The following RAB3GAP1 variants were observed in gnomAD, a reference collection of about 807,000 sequenced individuals.
RAB3GAP1 encodes rab3 GTPase-activating protein catalytic subunit.
RAB3GAP1 carries 86 observed loss-of-function variants against 130.7 expected under a neutral mutation model. That is an observed-to-expected ratio of 0.66 (90% CI 0.55 to 0.79). The LOEUF (loss-of-function observed/expected upper bound fraction) is 0.79, where lower values mean the gene tolerates loss of function less well. Among genes scored for constraint, RAB3GAP1 ranks in the 30% least tolerant of loss-of-function variants. The probability of loss-of-function intolerance (pLI) is 0.00; values close to 1 mark genes in which losing one functional copy is unlikely to be tolerated. For missense variants in RAB3GAP1, 1,029 were observed against 1,169.4 expected (o/e 0.88, Z 1.75); for synonymous variants, 367 against 401.7 (o/e 0.91, Z 1.03).
At chr2:135,062,246 C>T (rs564515438) in intron 3 of RAB3GAP1, among the ~76,000 whole-genome samples, 1 of 152,296 alleles carries the variant, frequency 6.6e-6, no homozygotes, top group South Asian at 2.1e-4. Flanking sequence ...TTTCAGGTTT[C>T]CTAACCTTGG....
chr2:135,105,739 G>A (rs1400602446), intron 5 of RAB3GAP1, among the ~76,000 whole-genome samples: 2 of 150,560 alleles, frequency 1.3e-5, no homozygotes, highest in Admixed American at 6.6e-5. Flanking sequence ...CCCAGTCTGG[G>A]AAGTGAGGAG....
intron 5 of RAB3GAP1, among the ~76,000 whole-genome samples, chr2:135,103,254 C>G (rs1366344473): frequency 6.6e-6 from 1 of 151,780 alleles, no homozygotes; most frequent in Non-Finnish European, 1.5e-5. Context: ...CCAGGCTGGT[C>G]TTGAACTCCT....
intron 23 of RAB3GAP1, chr2:135,167,588 T>C (rs1394756667): frequency 1.1e-6 from 1 of 930,524 alleles, no homozygotes; most frequent in African/African-American, 1.6e-5. Flanking sequence ...CATAATGTAG[T>C]GCATACTGTC....
At chr2:135,112,606 C>T (rs1160867597) in intron 5 of RAB3GAP1, among the ~76,000 whole-genome samples, 1 of 152,200 alleles carries the variant, frequency 6.6e-6, no homozygotes, top group African/African-American at 2.4e-5. Flanking sequence ...CTCCCACCAG[C>T]TGCAGGGCTC....
At chr2:135,112,832 T>TCACA (rs1421273149) in intron 5 of RAB3GAP1, among the ~76,000 whole-genome samples, 37 of 115,898 alleles carry the variant, frequency 3.2e-4, no homozygotes, top group South Asian at 1.5e-3. Flanking sequence ...TCTCTCTCTC[T>TCACA]CTCACACACA....
chr2:135,112,815 GTCTCTC>G (rs377254626), intron 5 of RAB3GAP1, among the ~76,000 whole-genome samples: 155 of 147,022 alleles, frequency 1.1e-3, no homozygotes, highest in African/African-American at 3.3e-3. Context: ...AACTGTCAAA[GTCTCTC>G]TCTCTCTCTC....
intron 3 of RAB3GAP1, among the ~76,000 whole-genome samples, chr2:135,078,456 T>G (rs72978321): frequency 6.6e-6 from 1 of 152,332 alleles, no homozygotes; most frequent in African/African-American, 2.4e-5. Flanking sequence ...TTTTCCAAAC[T>G]GTCCCATTGA....
In RAB3GAP1 at chr2:135,168,628, CCCACCCCCTGCTGGCCGGG is replaced by C; in HGVS notation, c.2794_2812del (p.Pro932AsnfsTer83). The stretch of plus-strand genomic sequence containing the variant: ...GAAGGCAGAACTCCGTGTCAGACTT[CCCACCCCCTGCTGGCCGGG>C]AATTCATTTTGCGCACCACTGTGCC... On this transcript the variant is annotated frameshift_variant, in exon 24 of 24. Coordinates refer to ENST00000264158, the MANE Select transcript of RAB3GAP1 (RefSeq NM_012233.3). LOFTEE classifies it high-confidence loss of function. 6.2e-7 allele frequency: 1 copy of C among 1,614,216 alleles called. No homozygotes were observed.
intron 5 of RAB3GAP1, among the ~76,000 whole-genome samples, chr2:135,100,632 A>G (rs1437348566): frequency 6.6e-6 from 1 of 152,242 alleles, no homozygotes; most frequent in Non-Finnish European, 1.5e-5. Context: ...AGCCAACAAC[A>G]AAGCTTTTGA....
In RAB3GAP1 at chr2:135,133,881, G is replaced by A. The variant is rs1347803993; in HGVS notation, c.1347G>A (p.Lys449=). Reference sequence around the variant, plus strand: ...TTTAGAATCTCTACAATCAGTTCAAGTCTGCACCATCTGACAGTTTAACAT... The same window carrying A: ...TTTAGAATCTCTACAATCAGTTCAAATCTGCACCATCTGACAGTTTAACAT... ...SEDYNLYNQF[K]SAPSDSLTYK... The change falls in exon 15 of 24, where the codon AAG becomes AAA. Residue 449 remains lysine (K), a synonymous_variant. Coordinates refer to ENST00000264158, the MANE Select transcript of RAB3GAP1 (RefSeq NM_012233.3). 1 of 1,613,696 alleles carries A rather than the reference G, an allele frequency of 6.2e-7. No individual in the cohort carries two copies. Among genetic ancestry groups the A allele is most frequent in the East Asian group, 2.2e-5 (1 of 44,864 alleles).
intron 3 of RAB3GAP1, among the ~76,000 whole-genome samples, chr2:135,061,684 G>A (rs563507427): frequency 1.4e-4 from 21 of 151,282 alleles, no homozygotes; most frequent in African/African-American, 4.8e-4. Context: ...TTTTTTTTTG[G>A]TATATATATA....
chr2:135,066,756 C>G lies in RAB3GAP1; in HGVS notation c.150+8670C>G, dbSNP rs1018484955. Among the ~76,000 whole-genome samples, 6 of 152,172 alleles carry G rather than the reference C, an allele frequency of 3.9e-5. No individual in the cohort carries two copies. The East Asian group carries it at 1.2e-3, about 29-fold the overall frequency. ...GAAGGCAAGGGAAGTAAAGAAATGACCTTTTAAGTTCCTTTTAGCCTTGTA... is the reference window on the plus strand; with the variant it reads ...GAAGGCAAGGGAAGTAAAGAAATGAGCTTTTAAGTTCCTTTTAGCCTTGTA... On this transcript the variant is annotated intron_variant, in intron 3 of 23. Coordinates refer to ENST00000264158, the MANE Select transcript of RAB3GAP1 (RefSeq NM_012233.3).
At chr2:135,093,042 A>G (rs935936047) in intron 4 of RAB3GAP1, among the ~76,000 whole-genome samples, 1 of 152,244 alleles carries the variant, frequency 6.6e-6, no homozygotes, top group Admixed American at 6.5e-5. Flanking sequence ...AATGATAGCT[A>G]TACAACAAAA....
chr2:135,107,957 A>G (rs1326952594), intron 5 of RAB3GAP1, among the ~76,000 whole-genome samples: 2 of 142,386 alleles, frequency 1.4e-5, no homozygotes, highest in Non-Finnish European at 3.0e-5. Context: ...CCTGGGCAAG[A>G]AGAGTGAAAC....
At position 135,156,001 on chromosome 2, in the gene RAB3GAP1, T is replaced by G. The variant is rs535271246; in HGVS notation, c.2289+2125T>G. On this transcript the variant is annotated intron_variant, in intron 19 of 23. Transcript: ENST00000264158. ...AATAATAAATGACAAAAAGGGCACA[T>G]ATTAGTAACTACTGATACAGAGGAA... Among the ~76,000 whole-genome samples the G allele has an allele frequency of 3.3e-3, 501 of 152,186 alleles. 5 individuals carry two copies. Among genetic ancestry groups the G allele is most frequent in the South Asian group, 7.9e-3 (38 of 4,822 alleles).
In RAB3GAP1 at chr2:135,168,756, T is replaced by C; in HGVS notation, c.2921T>C (p.Phe974Ser). The C allele has an allele frequency of 1.9e-6, 3 of 1,613,746 alleles. No homozygotes were observed. Among genetic ancestry groups the C allele is most frequent in the Non-Finnish European group, 2.5e-6 (3 of 1,179,614 alleles). The change falls in exon 24 of 24, where the codon TTT becomes TCT. Residue 974 changes from phenylalanine (F) to serine (S), a missense_variant. Phe to Ser is a radical substitution (Grantham distance 155). This residue lies in a region of RAB3GAP1 where 146 missense variants were observed against 143.7 expected (regional missense o/e 1.02). Coordinates refer to ENST00000264158, the MANE Select transcript of RAB3GAP1 (RefSeq NM_012233.3). ...GAGGACTTTAGACTTGCAGGTGCCT[T>C]TTCATCAGATACTTCCTTCTTCTGA... ...TKEDFRLAGA[F>S]SSDTSFF
chr2:135,124,117 T>G (rs1479686275), intron 8 of RAB3GAP1, 48 bp from the exon 9 acceptor site: 1 of 1,538,678 alleles, frequency 6.5e-7, no homozygotes, highest in Non-Finnish European at 9.0e-7. Flanking sequence ...TAGATTAGAC[T>G]CTTCTTTATT....
At chr2:135,117,495 G>GCTTCTTCTT (rs1229163423) in intron 7 of RAB3GAP1, among the ~76,000 whole-genome samples, 2 of 42,178 alleles carry the variant, frequency 4.7e-5, no homozygotes, top group East Asian at 7.1e-4. Flanking sequence ...TTCTTCTTCT[G>GCTTCTTCTT]CTTCTTCTTC....
intron 5 of RAB3GAP1, among the ~76,000 whole-genome samples, chr2:135,103,006 GAAAAA>G (rs371708711): frequency 2.8e-5 from 2 of 70,712 alleles, no homozygotes; most frequent in Non-Finnish European, 4.9e-5. Context: ...GACTCCGTCT[GAAAAA>G]AAAAAAAAAA....
Sources: gnomAD v4.1 joint callset for allele counts (sites outside exome capture counted in the v4.1 genomes callset) on GRCh38, gnomAD v4.1.1 for gene constraint, gnomAD v4.1.1 regional missense constraint, MANE v1.5 for transcripts, NCBI Gene and HGNC (gene_info 2026-07-23, HGNC 2026-07-21) for gene names.